Variants in ALPK1 observed in about 807,000 individuals in gnomAD.
The protein encoded by ALPK1 is alpha-protein kinase 1.
In ALPK1, 110 loss-of-function variants were observed where a neutral mutation model predicts 120.6. The ratio of observed to expected loss-of-function variants is 0.91; its 90% CI spans 0.78 to 1.07. The LOEUF (loss-of-function observed/expected upper bound fraction) is 1.07. Among genes scored for constraint, ALPK1 ranks in the 50% least tolerant of loss-of-function variants. The pLI is 0.00. For synonymous variants in ALPK1, 582 were observed against 560.3 expected (o/e 1.04, Z -0.55); for missense variants, 1,498 against 1,483.9 (o/e 1.01, Z -0.16).
At chr4:112,403,908 CG>C (rs1382406712) in intron 4 of ALPK1, among the ~76,000 whole-genome samples, 14 of 152,266 alleles carry the variant, frequency 9.2e-5, no homozygotes, top group Non-Finnish European at 2.9e-5. Context: ...AAATATATGG[CG>C]TGTTCTTGAG....
chr4:112,335,439 A>G (rs779583180), intron 2 of ALPK1, among the ~76,000 whole-genome samples: 3 of 151,836 alleles, frequency 2.0e-5, no homozygotes, highest in Admixed American at 6.6e-5. Flanking sequence ...TTGTGGGAGG[A>G]TGGTTGGATT....
intron 5 of ALPK1, among the ~76,000 whole-genome samples, chr4:112,418,028 T>A (rs938115215): frequency 6.6e-6 from 1 of 152,146 alleles, no homozygotes; most frequent in African/African-American, 2.4e-5. Context: ...AGGGCTTGGC[T>A]AGTGAAAAGT....
chr4:112,399,789 C>T (rs558206584), intron 4 of ALPK1, among the ~76,000 whole-genome samples: 2 of 152,222 alleles, frequency 1.3e-5, no homozygotes, highest in African/African-American at 4.8e-5. Context: ...TGATGTTCCC[C>T]TCCCTGCGTC....
intron 2 of ALPK1, among the ~76,000 whole-genome samples, chr4:112,336,214 C>G (rs1327678002): frequency 1.3e-5 from 2 of 151,990 alleles, no homozygotes; most frequent in East Asian, 3.9e-4. Context: ...CTTTTCAGAC[C>G]TAGTGATCCC....
chr4:112,393,042 C>T (rs1732492109), intron 4 of ALPK1, among the ~76,000 whole-genome samples: 1 of 152,160 alleles, frequency 6.6e-6, no homozygotes, highest in South Asian at 2.1e-4. Flanking sequence ...CTCAGGAGCC[C>T]AGATTGATGA....
intron 2 of ALPK1, among the ~76,000 whole-genome samples, chr4:112,368,778 G>A (rs564672470): frequency 1.3e-5 from 2 of 152,232 alleles, no homozygotes; most frequent in East Asian, 3.9e-4. Flanking sequence ...GGGAGGTGAG[G>A]GGAGAGGATG....
intron 6 of ALPK1, 46 bp downstream of exon 6, chr4:112,424,049 A>G: frequency 6.4e-7 from 1 of 1,560,238 alleles, no homozygotes; most frequent in Non-Finnish European, 8.8e-7. Flanking sequence ...TCAGCCCCGA[A>G]CAGAGCACTC....
chr4:112,302,044 G>A (rs761080333), intron 1 of ALPK1, among the ~76,000 whole-genome samples: 1 of 152,006 alleles, frequency 6.6e-6, no homozygotes, highest in African/African-American at 2.4e-5. Context: ...CCCTGAGACA[G>A]GGTCTAGCTC....
chr4:112,370,961 G>A (rs1286837255), intron 2 of ALPK1, among the ~76,000 whole-genome samples: 1 of 152,122 alleles, frequency 6.6e-6, no homozygotes, highest in Non-Finnish European at 1.5e-5. Context: ...ATGCATTTAT[G>A]TCTTTTCCTG....
intron 4 of ALPK1, among the ~76,000 whole-genome samples, chr4:112,400,563 G>GT (rs1490067330): frequency 2.0e-5 from 3 of 152,108 alleles, no homozygotes; most frequent in Admixed American, 2.0e-4. Flanking sequence ...TCATGGTTGT[G>GT]TTTTTTTCCA....
intron 2 of ALPK1, among the ~76,000 whole-genome samples, chr4:112,341,729 G>GT (rs1449984770): frequency 1.3e-5 from 2 of 152,188 alleles, no homozygotes; most frequent in Admixed American, 1.3e-4. Flanking sequence ...GAAACAACAG[G>GT]TGCTTTTGTT....
At position 112,441,281 on chromosome 4, in the gene ALPK1, G is replaced by A; in HGVS notation, c.*71G>A. ...ACAGGTTCTGGCCAATGATTTGCAA[G>A]AGGAATTGATCAGTATCACTTTAAG... On this transcript the variant is annotated 3_prime_UTR_variant, in exon 16 of 16. Transcript: ENST00000650871. 1.9e-6 allele frequency: 2 copies of A among 1,030,698 alleles called. No homozygotes were observed. Among genetic ancestry groups the A allele is most frequent in the East Asian group, 2.4e-5 (1 of 42,282 alleles). The allele number at this position is 1,030,698 out of a possible 1,614,324, so 63.8% of individuals were successfully genotyped here.
At chr4:112,334,392 C>A (rs2148702630) in intron 2 of ALPK1, among the ~76,000 whole-genome samples, 1 of 148,872 alleles carries the variant, frequency 6.7e-6, no homozygotes. Flanking sequence ...AAGATTTCAC[C>A]ACTGCACTCC....
At chr4:112,315,924 G>C (rs1359454493) in intron 2 of ALPK1, 72 bp downstream of exon 2, 3 of 152,106 alleles carry the variant, frequency 2.0e-5, no homozygotes, top group African/African-American at 7.2e-5. Context: ...AGTCATTGTA[G>C]AAAATAGGAA....
At chr4:112,330,279 G>T (rs946489435) in intron 2 of ALPK1, among the ~76,000 whole-genome samples, 25 of 152,314 alleles carry the variant, frequency 1.6e-4, no homozygotes, top group Non-Finnish European at 3.4e-4. Context: ...ATTCCAAGAA[G>T]AATTTATTGC....
intron 2 of ALPK1, among the ~76,000 whole-genome samples, chr4:112,340,400 T>A (rs1443550309): frequency 6.6e-6 from 1 of 152,230 alleles, no homozygotes; most frequent in Non-Finnish European, 1.5e-5. Flanking sequence ...TACTTTTCTG[T>A]CCTATGTATC....
chr4:112,312,385 G>A (rs1403571649), intron 1 of ALPK1, among the ~76,000 whole-genome samples: 3 of 151,932 alleles, frequency 2.0e-5, no homozygotes, highest in Non-Finnish European at 4.4e-5. Context: ...TCATTCTCCT[G>A]CCTCAGCCTC....
At chr4:112,329,305 T>C (rs906167383) in intron 2 of ALPK1, among the ~76,000 whole-genome samples, 8 of 152,202 alleles carry the variant, frequency 5.3e-5, no homozygotes, top group Admixed American at 5.2e-4. Flanking sequence ...AGATTGTGTA[T>C]AGTCCAATCC....
chr4:112,412,181 C>G (rs1473630370), intron 5 of ALPK1, among the ~76,000 whole-genome samples, 156 bp downstream of exon 5: 1 of 151,920 alleles, frequency 6.6e-6, no homozygotes, highest in East Asian at 1.9e-4. Context: ...CTGTGCCCTT[C>G]CACCCGCCTC....
Sources: gnomAD v4.1 joint callset for allele counts (sites outside exome capture counted in the v4.1 genomes callset) on GRCh38, gnomAD v4.1.1 for gene constraint, MANE v1.5 for transcripts, NCBI Gene and HGNC (gene_info 2026-07-23, HGNC 2026-07-21) for gene names.